Variants in ADD3 observed in about 807,000 individuals in gnomAD.
ADD3 encodes gamma-adducin.
A neutral mutation model predicts 80.2 loss-of-function variants in ADD3; 25 were observed. The ratio of observed to expected loss-of-function variants is 0.31; its 90% CI spans 0.23 to 0.44. The LOEUF is 0.44. Among genes scored for constraint, ADD3 ranks in the 20% least tolerant of loss-of-function variants. The pLI is 1.00. For missense variants in ADD3, 829 were observed against 847.5 expected (o/e 0.98, Z 0.27); for synonymous variants, 284 against 289.6 (o/e 0.98, Z 0.20).
At chr10:110,039,104 A>C (rs1855992128) in intron 1 of ADD3, among the ~76,000 whole-genome samples, 1 of 152,178 alleles carries the variant, frequency 6.6e-6, no homozygotes. Context: ...TTTTAATTGT[A>C]ACGACTTATA....
intron 2 of ADD3, among the ~76,000 whole-genome samples, chr10:110,106,636 A>G (rs1342554413): frequency 1.3e-5 from 2 of 152,116 alleles, no homozygotes; most frequent in Admixed American, 6.5e-5. Context: ...TGATAGATAT[A>G]TAAAATAAAA....
intron 1 of ADD3, among the ~76,000 whole-genome samples, chr10:110,071,069 T>G (rs1383220993): frequency 6.6e-6 from 1 of 151,196 alleles, no homozygotes; most frequent in African/African-American, 2.4e-5. Flanking sequence ...TTTAGGAGGA[T>G]AATTTTTAGA....
chr10:110,074,714 C>G lies in ADD3; in HGVS notation c.-29-25911C>G, dbSNP rs183844088. On this transcript the variant is annotated intron_variant, in intron 1 of 14. Transcript: ENST00000356080. ...TTTATGTACTGAAAATACAATATGA[C>G]AGAATGACATTTTACAAAATTTAAA... Among the ~76,000 whole-genome samples, 22 of 151,840 alleles carry G rather than the reference C, an allele frequency of 1.4e-4. 1 individual carries two copies. In the East Asian group the frequency reaches 3.7e-3, roughly 25 times the overall value.
chr10:110,013,667 A>G (rs937224704), intron 1 of ADD3, among the ~76,000 whole-genome samples: 4 of 152,182 alleles, frequency 2.6e-5, no homozygotes, highest in African/African-American at 9.7e-5. Context: ...AATATACACG[A>G]AATTATTTTT....
At chr10:110,083,584 G>C (rs1026893744) in intron 1 of ADD3, among the ~76,000 whole-genome samples, 1 of 151,886 alleles carries the variant, frequency 6.6e-6, no homozygotes, top group Non-Finnish European at 1.5e-5. Flanking sequence ...CTTTTTTTTA[G>C]GAAGAGTCAT....
chr10:110,050,506 CTTT>C (rs59897959), intron 1 of ADD3, among the ~76,000 whole-genome samples: 2 of 129,404 alleles, frequency 1.5e-5, no homozygotes, highest in Admixed American at 7.8e-5. Context: ...CATTAAACCT[CTTT>C]TTTTTTTTTT....
At chr10:110,047,688 T>C (rs2133360736) in intron 1 of ADD3, among the ~76,000 whole-genome samples, 1 of 152,280 alleles carries the variant, frequency 6.6e-6, no homozygotes, top group South Asian at 2.1e-4. Flanking sequence ...GAAAGATAGT[T>C]ATAGGAAAAA....
chr10:110,010,693 A>G (rs1311464942), intron 1 of ADD3, among the ~76,000 whole-genome samples: 1 of 152,220 alleles, frequency 6.6e-6, no homozygotes, highest in Non-Finnish European at 1.5e-5. Context: ...TAGTCCTTCC[A>G]ACAACCCAGT....
intron 1 of ADD3, among the ~76,000 whole-genome samples, chr10:110,069,545 G>T (rs74154970): frequency 0.011 from 1,598 of 148,736 alleles, 31 homozygotes; most frequent in African/African-American, 0.038. Context: ...TATTAGTTGT[G>T]TTTTTTTTTT....
At chr10:110,123,085 A>G (rs1189355730) in intron 9 of ADD3, among the ~76,000 whole-genome samples, 1 of 152,200 alleles carries the variant, frequency 6.6e-6, no homozygotes, top group African/African-American at 2.4e-5. Context: ...GTATTCCATT[A>G]TGTTGTATAT....
At chr10:110,094,900 G>A (rs981410144) in intron 1 of ADD3, among the ~76,000 whole-genome samples, 1 of 152,148 alleles carries the variant, frequency 6.6e-6, no homozygotes, top group African/African-American at 2.4e-5. Flanking sequence ...TTTGAAGTGT[G>A]GAAAAATAGG....
At chr10:110,087,470 G>A (rs1309372573) in intron 1 of ADD3, among the ~76,000 whole-genome samples, 1 of 152,150 alleles carries the variant, frequency 6.6e-6, no homozygotes, top group Non-Finnish European at 1.5e-5. Flanking sequence ...TTTGTGGTTG[G>A]CCTTCATTAT....
At chr10:110,006,439 A>C (rs934657297), upstream of ADD3, among the ~76,000 whole-genome samples, 11 of 152,186 alleles carry the variant, frequency 7.2e-5, no homozygotes, top group Non-Finnish European at 1.3e-4. Flanking sequence ...CACTCCCAAT[A>C]TCTCTCTCAA....
intron 1 of ADD3, among the ~76,000 whole-genome samples, chr10:110,081,859 T>C (rs1018215202): frequency 6.6e-6 from 1 of 152,228 alleles, no homozygotes; most frequent in Admixed American, 6.5e-5. Flanking sequence ...GTTAGAAATA[T>C]ACAGGATGCT....
At chr10:110,112,999 C>T (rs1850243527) in intron 3 of ADD3, 84 bp downstream of exon 3, 6 of 1,414,598 alleles carry the variant, frequency 4.2e-6, no homozygotes, top group South Asian at 1.3e-5. Flanking sequence ...ATATTCTGCT[C>T]GGGTTCAGTC....
At chr10:110,043,339 A>G (rs975744231) in intron 1 of ADD3, among the ~76,000 whole-genome samples, 6 of 152,286 alleles carry the variant, frequency 3.9e-5, no homozygotes, top group African/African-American at 1.4e-4. Flanking sequence ...AATCCTATTT[A>G]TTTTTTAAGT....
At chr10:110,048,793 G>A (rs1857173939) in intron 1 of ADD3, among the ~76,000 whole-genome samples, 1 of 152,204 alleles carries the variant, frequency 6.6e-6, no homozygotes. Flanking sequence ...TGGAAAACTT[G>A]CAGCCTGATG....
intron 12 of ADD3, among the ~76,000 whole-genome samples, chr10:110,129,946 G>A (rs528840404): frequency 5.5e-4 from 84 of 152,224 alleles, no homozygotes; most frequent in Admixed American, 8.5e-4. Flanking sequence ...GGAGAAAACA[G>A]CTACAAGCTT....
At chr10:110,073,128 T>C (rs1309915719) in intron 1 of ADD3, among the ~76,000 whole-genome samples, 1 of 149,836 alleles carries the variant, frequency 6.7e-6, no homozygotes. Flanking sequence ...CCTCTTTGAG[T>C]TTTAGTTTTC....
Sources: gnomAD v4.1 joint callset for allele counts (sites outside exome capture counted in the v4.1 genomes callset) on GRCh38, gnomAD v4.1.1 for gene constraint, MANE v1.5 for transcripts, NCBI Gene and HGNC (gene_info 2026-07-23, HGNC 2026-07-21) for gene names.